The following ARB2A variants were observed in gnomAD, a reference collection of about 807,000 sequenced individuals.
The protein encoded by ARB2A is cotranscriptional regulator ARB2A.
At chr5:93,709,632 C>CAAAAAAAAAAAAAAAA in the ARB2A span, among the ~76,000 whole-genome samples, 1 of 41,698 alleles carries the variant, frequency 2.4e-5, no homozygotes, top group African/African-American at 7.4e-5. Context: ...GACTCTGTCA[C>CAAAAAAAAAAAAAAAA]AAAAAAAAAA....
At chr5:93,912,909 T>C in the ARB2A span, among the ~76,000 whole-genome samples, 1 of 151,794 alleles carries the variant, frequency 6.6e-6, no homozygotes, top group African/African-American at 2.4e-5. Flanking sequence ...GACCATTTTT[T>C]TAAAAAAAAA....
chr5:93,774,791 A>G, the ARB2A span, among the ~76,000 whole-genome samples: 1 of 152,178 alleles, frequency 6.6e-6, no homozygotes. Context: ...TAATGAATCA[A>G]CAATATATAT....
chr5:93,883,219 T>C, the ARB2A span, among the ~76,000 whole-genome samples: 4 of 151,526 alleles, frequency 2.6e-5, no homozygotes, highest in Non-Finnish European at 5.9e-5. Flanking sequence ...GATAGGACTA[T>C]TAATTAAGAT....
chr5:93,725,499 A>C, the ARB2A span, among the ~76,000 whole-genome samples: 1 of 152,120 alleles, frequency 6.6e-6, no homozygotes, highest in East Asian at 1.9e-4. Flanking sequence ...ATGCATAACA[A>C]TCTAGGTTCT....
At chr5:93,950,954 A>AAAAT in the ARB2A span, among the ~76,000 whole-genome samples, 3 of 147,792 alleles carry the variant, frequency 2.0e-5, no homozygotes, top group African/African-American at 5.0e-5. Context: ...AAAAAAAAAA[A>AAAAT]AAAATAAAAT....
At chr5:93,850,945 A>C in the ARB2A span, among the ~76,000 whole-genome samples, 2 of 152,204 alleles carry the variant, frequency 1.3e-5, no homozygotes, top group African/African-American at 2.4e-5. Flanking sequence ...TTTTCTATTA[A>C]GTATGTTTAC....
the ARB2A span, among the ~76,000 whole-genome samples, chr5:94,008,084 TC>T: frequency 6.6e-6 from 1 of 152,084 alleles, no homozygotes; most frequent in African/African-American, 2.4e-5. Flanking sequence ...ACACCAAAGA[TC>T]CAGTACTTAT....
At chr5:93,925,945 G>A in the ARB2A span, among the ~76,000 whole-genome samples, 1 of 152,142 alleles carries the variant, frequency 6.6e-6, no homozygotes, top group Non-Finnish European at 1.5e-5. Context: ...AATCAGTTTT[G>A]ATCTGAGTGG....
chr5:93,731,060 T>C, the ARB2A span, among the ~76,000 whole-genome samples: 4 of 152,136 alleles, frequency 2.6e-5, no homozygotes, highest in Non-Finnish European at 4.4e-5. Context: ...AACTCCTTTG[T>C]AGGAAACAAC....
chr5:93,656,710 C>T, the ARB2A span, among the ~76,000 whole-genome samples: 1 of 151,926 alleles, frequency 6.6e-6, no homozygotes, highest in African/African-American at 2.4e-5. Flanking sequence ...CTTTTGTTTC[C>T]CCAAACAAAG....
At chr5:93,802,497 C>A in the ARB2A span, among the ~76,000 whole-genome samples, 1 of 151,822 alleles carries the variant, frequency 6.6e-6, no homozygotes, top group Middle Eastern at 3.2e-3. Flanking sequence ...ATAAAAAGTA[C>A]AAGGCAAGAA....
At chr5:93,756,827 C>A in the ARB2A span, among the ~76,000 whole-genome samples, 9 of 152,050 alleles carry the variant, frequency 5.9e-5, no homozygotes, top group African/African-American at 1.9e-4. Context: ...TCAACACCCC[C>A]CCAAAAAATC....
chr5:93,867,646 G>A, the ARB2A span, among the ~76,000 whole-genome samples: 2 of 152,058 alleles, frequency 1.3e-5, no homozygotes, highest in Non-Finnish European at 2.9e-5. Flanking sequence ...TCGATCTCTT[G>A]ACTTCGTGAT....
chr5:93,983,408 G>T, the ARB2A span, among the ~76,000 whole-genome samples: 1 of 152,070 alleles, frequency 6.6e-6, no homozygotes, highest in Non-Finnish European at 1.5e-5. Flanking sequence ...GCCTGATGAG[G>T]ATCCTTCTGG....
the ARB2A span, among the ~76,000 whole-genome samples, chr5:93,686,811 G>A: frequency 3.3e-5 from 5 of 151,870 alleles, no homozygotes; most frequent in South Asian, 2.1e-4. Context: ...ATTGTACTAC[G>A]TAATTCTAGA....
chr5:93,656,918 C>A, the ARB2A span, among the ~76,000 whole-genome samples: 1 of 152,096 alleles, frequency 6.6e-6, no homozygotes, highest in Non-Finnish European at 1.5e-5. Context: ...CCACCCATGT[C>A]TTTTTCATTT....
the ARB2A span, among the ~76,000 whole-genome samples, chr5:93,874,926 T>C: frequency 6.6e-6 from 1 of 152,144 alleles, no homozygotes; most frequent in African/African-American, 2.4e-5. Flanking sequence ...GAAATGATGT[T>C]ATTTATTAGC....
At chr5:94,007,880 C>T in the ARB2A span, among the ~76,000 whole-genome samples, 2 of 152,102 alleles carry the variant, frequency 1.3e-5, no homozygotes, top group South Asian at 4.1e-4. Flanking sequence ...TACCCCCCTG[C>T]AACTGTGTTG....
chr5:93,699,417 A>G, the ARB2A span, among the ~76,000 whole-genome samples: 1 of 152,138 alleles, frequency 6.6e-6, no homozygotes, highest in South Asian at 2.1e-4. Context: ...ATTAAAATCC[A>G]ATCATCTTAT....
Sources: allele counts gnomAD v4.1 joint callset (sites outside exome capture counted in the v4.1 genomes callset), GRCh38; gene constraint gnomAD v4.1.1; transcripts MANE v1.5; gene names NCBI Gene and HGNC (gene_info 2026-07-23, HGNC 2026-07-21).